MCC: variants seen among roughly 807,000 people sequenced by gnomAD.
MCC encodes MCC regulator of Wnt signaling pathway, also known as colorectal mutant cancer protein.
Under a neutral mutation model 116.2 loss-of-function variants are expected in MCC, and 90 were observed. The observed-to-expected ratio is 0.77, with a 90% CI of 0.65 to 0.92. The LOEUF is 0.92. MCC is among the 40% of genes least tolerant of loss of function. The pLI, the probability that MCC is intolerant of heterozygous loss-of-function variation, is 0.00. For synonymous variants in MCC, 578 were observed against 510.5 expected (o/e 1.13, Z -1.78); for missense variants, 1,516 against 1,312.2 (o/e 1.16, Z -2.40).
chr5:113,139,580 C>T (rs1046570628), intron 5 of MCC, among the ~76,000 whole-genome samples: 3 of 152,008 alleles, frequency 2.0e-5, no homozygotes, highest in Admixed American at 6.5e-5. Context: ...GTTAGAATGG[C>T]GATCATTAAA....
At chr5:113,072,809 C>A (rs919468508) in intron 11 of MCC, among the ~76,000 whole-genome samples, 1 of 152,202 alleles carries the variant, frequency 6.6e-6, no homozygotes, top group Non-Finnish European at 1.5e-5. Context: ...CTTTCTCTAG[C>A]CCAGCGCTTT....
intron 3 of MCC, among the ~76,000 whole-genome samples, chr5:113,298,576 T>C (rs1234763861): frequency 1.3e-5 from 2 of 152,116 alleles, no homozygotes; most frequent in African/African-American, 4.8e-5. Flanking sequence ...ATGGGTGTAT[T>C]TGTAAGCTGG....
chr5:113,238,883 C>A (rs1345526052), intron 3 of MCC, among the ~76,000 whole-genome samples: 1 of 152,146 alleles, frequency 6.6e-6, no homozygotes, highest in Non-Finnish European at 1.5e-5. Context: ...GAAGCAGTTA[C>A]AAGAAGAGGT....
rs1166294670 is a variant in MCC, at chr5:113,475,289, C to G, written c.170+12956G>C. Among the ~76,000 whole-genome samples, 3 of 152,310 alleles carry G rather than the reference C, an allele frequency of 2.0e-5. No individual in the cohort carries two copies. The East Asian group carries it at 5.8e-4, about 29-fold the overall frequency. ...GCTCATCTATCTAGAATTTTCCAAGCAACAGTTTCACAAGTAAATATTCAA... is the reference window on the plus strand; with the variant it reads ...GCTCATCTATCTAGAATTTTCCAAGGAACAGTTTCACAAGTAAATATTCAA... On this transcript the variant is annotated intron_variant, in intron 1 of 18. Coordinates refer to ENST00000408903, the MANE Select transcript of MCC (RefSeq NM_001085377.2).
At chr5:113,305,120 G>T (rs1340501846) in intron 3 of MCC, among the ~76,000 whole-genome samples, 1 of 152,112 alleles carries the variant, frequency 6.6e-6, no homozygotes, top group Non-Finnish European at 1.5e-5. Context: ...GGCACAGGCT[G>T]GGAAAGCCAC....
chr5:113,083,108 G>A, intron 10 of MCC, 100 bp from the exon 11 acceptor site: 2 of 1,143,940 alleles, frequency 1.7e-6, no homozygotes, highest in Non-Finnish European at 2.5e-6. Context: ...TGAGAATCGG[G>A]GACTGGGAGG....
intron 3 of MCC, among the ~76,000 whole-genome samples, chr5:113,200,198 C>T (rs1762613287): frequency 6.6e-6 from 1 of 152,064 alleles, no homozygotes; most frequent in South Asian, 2.1e-4. Flanking sequence ...GAAGGGATTT[C>T]AAACCTAATA....
intron 14 of MCC, among the ~76,000 whole-genome samples, chr5:113,055,840 G>A (rs185435639): frequency 6.6e-6 from 1 of 152,314 alleles, no homozygotes; most frequent in Admixed American, 6.5e-5. Flanking sequence ...TTTCCATACA[G>A]TGAGTGAACC....
At chr5:113,073,640 G>C (rs1169330898) in intron 11 of MCC, among the ~76,000 whole-genome samples, 1 of 149,528 alleles carries the variant, frequency 6.7e-6, no homozygotes, top group Non-Finnish European at 1.5e-5. Flanking sequence ...AAGAATATCA[G>C]TTCGCCATAT....
intron 15 of MCC, 145 bp from the exon 16 acceptor site, chr5:113,049,444 A>G: frequency 1.6e-6 from 1 of 635,310 alleles, no homozygotes; most frequent in Non-Finnish European, 2.7e-6. Context: ...CAGTAGGATG[A>G]GTGGGAGGAG....
chr5:113,157,271 C>T (rs1760223383), intron 3 of MCC, among the ~76,000 whole-genome samples: 1 of 152,222 alleles, frequency 6.6e-6, no homozygotes, highest in East Asian at 1.9e-4. Context: ...CACGCCAGGA[C>T]TCTGTGGCCT....
At chr5:113,316,139 C>T (rs1767274298) in intron 3 of MCC, among the ~76,000 whole-genome samples, 1 of 151,760 alleles carries the variant, frequency 6.6e-6, no homozygotes, top group South Asian at 2.1e-4. Flanking sequence ...GCCTGTAATC[C>T]CAGCTACTCA....
chr5:113,036,729 G>C (rs1193184679), intron 17 of MCC, among the ~76,000 whole-genome samples: 3 of 152,184 alleles, frequency 2.0e-5, no homozygotes, highest in Non-Finnish European at 4.4e-5. Flanking sequence ...CTGCCTTTAT[G>C]AGGTCCCAGG....
At chr5:113,309,008 A>G (rs1767070683) in intron 3 of MCC, among the ~76,000 whole-genome samples, 1 of 152,184 alleles carries the variant, frequency 6.6e-6, no homozygotes, top group African/African-American at 2.4e-5. Context: ...TCCTGGAGAA[A>G]AGAGGCCATA....
intron 6 of MCC, among the ~76,000 whole-genome samples, 198 bp downstream of exon 6, chr5:113,122,486 A>G (rs1757790675): frequency 6.6e-6 from 1 of 152,234 alleles, no homozygotes; most frequent in South Asian, 2.1e-4. Context: ...TTGAATCACA[A>G]TTGTATCAGA....
chr5:113,074,118 G>A (rs934805427), intron 11 of MCC, among the ~76,000 whole-genome samples: 2 of 152,174 alleles, frequency 1.3e-5, no homozygotes, highest in Admixed American at 1.3e-4. Context: ...GCCTAACTGG[G>A]AGACACCTCC....
chr5:113,290,369 G>A (rs1183029311), intron 3 of MCC, among the ~76,000 whole-genome samples: 1 of 152,150 alleles, frequency 6.6e-6, no homozygotes, highest in Non-Finnish European at 1.5e-5. Context: ...TGTTTAAAAG[G>A]CAAAGAGTTT....
At chr5:113,262,594 G>A (rs1477728249) in intron 3 of MCC, among the ~76,000 whole-genome samples, 1 of 152,134 alleles carries the variant, frequency 6.6e-6, no homozygotes, top group Non-Finnish European at 1.5e-5. Context: ...TAGGTAGAGA[G>A]GGTTGTCCTC....
At chr5:113,278,631 G>C (rs1765919263) in intron 3 of MCC, among the ~76,000 whole-genome samples, 1 of 152,202 alleles carries the variant, frequency 6.6e-6, no homozygotes, top group Non-Finnish European at 1.5e-5. Flanking sequence ...AATAGCAAAT[G>C]TGAAGTTGTG....
Sources: allele counts gnomAD v4.1 joint callset (sites outside exome capture counted in the v4.1 genomes callset), GRCh38; gene constraint gnomAD v4.1.1; transcripts MANE v1.5; gene names NCBI Gene and HGNC (gene_info 2026-07-23, HGNC 2026-07-21).